FGF12: variants seen among roughly 807,000 people sequenced by gnomAD.
FGF12 encodes the protein fibroblast growth factor 12B.
A neutral mutation model predicts 23.6 loss-of-function variants in FGF12; 14 were observed. The observed-to-expected ratio is 0.59, with a 90% confidence interval of 0.39 to 0.93. The LOEUF (loss-of-function observed/expected upper bound fraction) is 0.93. Among genes scored for constraint, FGF12 ranks in the 40% least tolerant of loss-of-function variants. The probability of loss-of-function intolerance (pLI) is 0.00; values close to 1 mark genes in which losing one functional copy is unlikely to be tolerated. For missense variants in FGF12, 175 were observed against 217.8 expected, an observed-to-expected ratio of 0.80 and a Z score of 1.24; for synonymous variants, 62 against 77.3, an observed-to-expected ratio of 0.80 and a Z score of 1.04.
At chr3:192,172,036 G>A (rs1715595869) in intron 4 of FGF12, among the ~76,000 whole-genome samples, 1 of 152,140 alleles carries the variant, frequency 6.6e-6, no homozygotes, top group South Asian at 2.1e-4. Context: ...GTGTACCACT[G>A]CACCCAGCTT....
chr3:192,346,641 T>C (rs1216628340), intron 3 of FGF12, among the ~76,000 whole-genome samples: 1 of 152,170 alleles, frequency 6.6e-6, no homozygotes, highest in Admixed American at 6.6e-5. Flanking sequence ...TGGCCTTCAA[T>C]ATGTTGGTAT....
At chr3:192,172,879 C>T (rs1281005834) in intron 4 of FGF12, among the ~76,000 whole-genome samples, 8 of 151,018 alleles carry the variant, frequency 5.3e-5, no homozygotes, top group African/African-American at 1.9e-4. Flanking sequence ...GTGGAAACAA[C>T]CCAAACATCT....
At chr3:192,326,112 T>G (rs142017932) in intron 4 of FGF12, among the ~76,000 whole-genome samples, 123 of 152,302 alleles carry the variant, frequency 8.1e-4, no homozygotes, top group Non-Finnish European at 1.2e-3. Context: ...CAGTTTTCAG[T>G]GCCATGAGAG....
intron 2 of FGF12, among the ~76,000 whole-genome samples, chr3:192,653,612 T>TG (rs1172483135): frequency 6.6e-6 from 1 of 152,156 alleles, no homozygotes; most frequent in African/African-American, 2.4e-5. Context: ...ATGTCCTGTA[T>TG]AAAAACCTTG....
At chr3:192,716,837 T>A (rs1188140020) in intron 2 of FGF12, among the ~76,000 whole-genome samples, 1 of 152,108 alleles carries the variant, frequency 6.6e-6, no homozygotes, top group Non-Finnish European at 1.5e-5. Context: ...GACTAAAAAG[T>A]TGTTAGTTGT....
At position 192,479,488 on chromosome 3, in the gene FGF12, T is replaced by C. The variant is rs538525411; in HGVS notation, c.14-118950A>G. Reference sequence around the variant, plus strand: ...AACACCTGGGAGACCTTAAGCATTATCTATTTTCTCTTTCACCAAACAAAA... The same window carrying C: ...AACACCTGGGAGACCTTAAGCATTACCTATTTTCTCTTTCACCAAACAAAA... On this transcript the variant is annotated intron_variant, in intron 2 of 5. Coordinates refer to ENST00000445105, the MANE Select transcript of FGF12 (RefSeq NM_004113.6). Among the ~76,000 whole-genome samples the C allele has an allele frequency of 3.9e-5, 6 of 152,210 alleles. No homozygotes were observed. In the South Asian group the frequency reaches 1.2e-3, roughly 32 times the overall value.
chr3:192,509,398 T>C (rs576316905), intron 2 of FGF12, among the ~76,000 whole-genome samples: 1 of 152,316 alleles, frequency 6.6e-6, no homozygotes, highest in Admixed American at 6.5e-5. Context: ...GAGCATTTAT[T>C]TGCAGTTTCC....
chr3:192,631,305 G>A (rs935653532), intron 2 of FGF12, among the ~76,000 whole-genome samples: 1 of 152,128 alleles, frequency 6.6e-6, no homozygotes, highest in Non-Finnish European at 1.5e-5. Flanking sequence ...GGATATTTGA[G>A]ACTAACTGTG....
chr3:192,540,753 A>G (rs540532683), intron 2 of FGF12, among the ~76,000 whole-genome samples: 2 of 152,212 alleles, frequency 1.3e-5, no homozygotes, highest in East Asian at 3.9e-4. Flanking sequence ...TCCACCTGTG[A>G]TTATGTTGGA....
intron 4 of FGF12, among the ~76,000 whole-genome samples, chr3:192,228,536 T>C (rs1718855073): frequency 6.6e-6 from 1 of 152,104 alleles, no homozygotes; most frequent in Admixed American, 6.6e-5. Context: ...CTTTGGACAG[T>C]ATACACAGAC....
chr3:192,350,200 C>A (rs1718153498), intron 3 of FGF12, among the ~76,000 whole-genome samples: 1 of 151,956 alleles, frequency 6.6e-6, no homozygotes, highest in Admixed American at 6.6e-5. Flanking sequence ...TAAATACATA[C>A]AGATGAAACA....
At chr3:192,665,441 T>C (rs1270904488) in intron 2 of FGF12, among the ~76,000 whole-genome samples, 1 of 152,166 alleles carries the variant, frequency 6.6e-6, no homozygotes, top group Admixed American at 6.5e-5. Flanking sequence ...TAAAAAAGAA[T>C]GAGTTCATAT....
chr3:192,222,724 T>G (rs532545668), intron 4 of FGF12, among the ~76,000 whole-genome samples: 1 of 152,268 alleles, frequency 6.6e-6, no homozygotes, highest in South Asian at 2.1e-4. Context: ...CTGATATCTA[T>G]CAAGTTAACC....
intron 4 of FGF12, among the ~76,000 whole-genome samples, chr3:192,193,070 G>A (rs1458016307): frequency 6.6e-6 from 1 of 152,140 alleles, no homozygotes; most frequent in African/African-American, 2.4e-5. Context: ...AACAGAAGTT[G>A]GGTATCAGTG....
intron 4 of FGF12, among the ~76,000 whole-genome samples, chr3:192,170,906 T>C (rs1715522161): frequency 1.3e-5 from 2 of 152,196 alleles, no homozygotes; most frequent in Non-Finnish European, 1.5e-5. Flanking sequence ...GTTAAAATCA[T>C]TCAGGACTGT....
chr3:192,631,861 G>C (rs890101336), intron 2 of FGF12, among the ~76,000 whole-genome samples: 1 of 152,200 alleles, frequency 6.6e-6, no homozygotes, highest in Admixed American at 6.5e-5. Context: ...GGTGCTGCCT[G>C]GGGTCTTCAC....
chr3:192,672,851 C>T (rs146028445), intron 2 of FGF12: 11 of 150,848 alleles, frequency 7.3e-5, no homozygotes, highest in African/African-American at 2.7e-4. Context: ...CTGTTCAACT[C>T]AATTTCAGTG....
chr3:192,653,070 C>T (rs1716271427), intron 2 of FGF12, among the ~76,000 whole-genome samples: 1 of 152,096 alleles, frequency 6.6e-6, no homozygotes, highest in Non-Finnish European at 1.5e-5. Flanking sequence ...CATCATATTT[C>T]GAATGGTGCA....
chr3:192,376,940 T>A (rs1045030492), intron 2 of FGF12, among the ~76,000 whole-genome samples: 6 of 152,200 alleles, frequency 3.9e-5, no homozygotes, highest in Admixed American at 6.5e-5. Flanking sequence ...GTGAAACACA[T>A]GGAAAGCTTT....
Sources: gnomAD v4.1 joint callset for allele counts (sites outside exome capture counted in the v4.1 genomes callset) on GRCh38, gnomAD v4.1.1 for gene constraint, MANE v1.5 for transcripts, NCBI Gene and HGNC (gene_info 2026-07-23, HGNC 2026-07-21) for gene names.